SGMS1: variants seen among roughly 807,000 people sequenced by gnomAD.
The protein encoded by SGMS1 is phosphatidylcholine:ceramide cholinephosphotransferase 1.
Under a neutral mutation model 46.2 loss-of-function variants are expected in SGMS1, and 13 were observed. The observed-to-expected ratio is 0.28, with a 90% CI of 0.18 to 0.45. The LOEUF (loss-of-function observed/expected upper bound fraction) is 0.45. Among genes scored for constraint, SGMS1 ranks in the 20% least tolerant of loss-of-function variants. The pLI, the probability that SGMS1 is intolerant of heterozygous loss-of-function variation, is 1.00. For synonymous variants in SGMS1, 203 were observed against 187.8 expected (o/e 1.08, Z -0.66); for missense variants, 324 against 519.9 (o/e 0.62, Z 3.66).
At chr10:50,436,550 T>G (rs987112193) in intron 5 of SGMS1, among the ~76,000 whole-genome samples, 2 of 152,208 alleles carry the variant, frequency 1.3e-5, no homozygotes, top group African/African-American at 4.8e-5. Context: ...AAGAACAATC[T>G]GGACGTATGA....
intron 6 of SGMS1, among the ~76,000 whole-genome samples, chr10:50,412,608 T>A (rs931549182): frequency 6.6e-6 from 1 of 152,102 alleles, no homozygotes; most frequent in African/African-American, 2.4e-5. Flanking sequence ...GCTGAGAGGG[T>A]ATAAGAAATC....
chr10:50,471,935 A>G (rs911952622), intron 3 of SGMS1, among the ~76,000 whole-genome samples: 2 of 152,222 alleles, frequency 1.3e-5, no homozygotes, highest in African/African-American at 4.8e-5. Context: ...CTCTGTGCTT[A>G]ATGAGTTCTC....
intron 1 of SGMS1, among the ~76,000 whole-genome samples, chr10:50,616,255 G>C (rs1275348137): frequency 6.6e-6 from 1 of 151,936 alleles, no homozygotes; most frequent in Non-Finnish European, 1.5e-5. Context: ...CAAGTAGCTG[G>C]GACTACAGGT....
chr10:50,458,121 C>A (rs533219789), intron 5 of SGMS1, among the ~76,000 whole-genome samples: 1 of 152,202 alleles, frequency 6.6e-6, no homozygotes, highest in East Asian at 1.9e-4. Flanking sequence ...ATGAACAACA[C>A]CAAGCCCATC....
intron 2 of SGMS1, among the ~76,000 whole-genome samples, chr10:50,552,688 C>A (rs148247077): frequency 1.8e-4 from 27 of 152,310 alleles, no homozygotes; most frequent in African/African-American, 6.3e-4. Context: ...CCCCGTCCCC[C>A]GCCAAAAGAT....
Position 50,368,220 on chromosome 10 carries a change from T to G in SGMS1, c.-231-23875A>C, listed in dbSNP as rs184900275. 4.6e-5 allele frequency among the ~76,000 whole-genome samples: 7 copies of G among 152,336 alleles called. No homozygotes were observed. In the East Asian group the frequency reaches 9.6e-4, roughly 21 times the overall value. On this transcript the variant is annotated intron_variant, in intron 6 of 10. Coordinates refer to ENST00000361781, the MANE Select transcript of SGMS1 (RefSeq NM_147156.4). ...ACTGCATATCTAAGCTATCTTGCAG[T>G]CATACAAGACCATATCTAGGACACT...
chr10:50,456,961 G>C (rs1210980608), intron 5 of SGMS1, among the ~76,000 whole-genome samples: 1 of 152,168 alleles, frequency 6.6e-6, no homozygotes, highest in Non-Finnish European at 1.5e-5. Flanking sequence ...ATGTGACAGG[G>C]GAAGTGACTG....
chr10:50,561,847 C>T (rs533007772), intron 2 of SGMS1, among the ~76,000 whole-genome samples: 1 of 152,262 alleles, frequency 6.6e-6, no homozygotes, highest in East Asian at 1.9e-4. Flanking sequence ...TCTCTACTCA[C>T]TAATATTTCA....
At chr10:50,592,206 A>G (rs1838548340) in intron 1 of SGMS1, among the ~76,000 whole-genome samples, 1 of 152,216 alleles carries the variant, frequency 6.6e-6, no homozygotes, top group African/African-American at 2.4e-5. Context: ...AAAAATAAAC[A>G]TGACATAGCT....
intron 2 of SGMS1, among the ~76,000 whole-genome samples, chr10:50,529,971 G>A (rs532037559): frequency 2.5e-4 from 38 of 152,216 alleles, no homozygotes; most frequent in African/African-American, 7.2e-4. Context: ...CAATTTCCTC[G>A]TCCAATCTTC....
At chr10:50,618,882 G>C in intron 1 of SGMS1, among the ~76,000 whole-genome samples, 1 of 152,192 alleles carries the variant, frequency 6.6e-6, no homozygotes, top group Non-Finnish European at 1.5e-5. Flanking sequence ...AGGAATTCTG[G>C]AATGTTAGGA....
chr10:50,477,932 A>G (rs1309590153), intron 3 of SGMS1, among the ~76,000 whole-genome samples: 1 of 150,954 alleles, frequency 6.6e-6, no homozygotes, highest in African/African-American at 2.5e-5. Context: ...ATTAGTCTCC[A>G]GTAGTTCTTT....
intron 5 of SGMS1, among the ~76,000 whole-genome samples, chr10:50,457,388 TCTTA>T (rs770072335): frequency 6.6e-6 from 1 of 152,350 alleles, no homozygotes; most frequent in Admixed American, 6.5e-5. Context: ...TCCTTTTTGT[TCTTA>T]CTTAAGCAAA....
chr10:50,472,526 A>T (rs1837387656), intron 3 of SGMS1, among the ~76,000 whole-genome samples: 1 of 152,126 alleles, frequency 6.6e-6, no homozygotes, highest in East Asian at 1.9e-4. Context: ...TAAAGGGTGA[A>T]TAGTATTGCA....
chr10:50,579,258 C>T (rs566961874), intron 2 of SGMS1, among the ~76,000 whole-genome samples: 19 of 151,936 alleles, frequency 1.3e-4, no homozygotes, highest in South Asian at 1.0e-3. Flanking sequence ...AAAGCAGATG[C>T]GGAAAGCAGA....
At chr10:50,563,759 A>G (rs1230697969) in intron 2 of SGMS1, among the ~76,000 whole-genome samples, 1 of 151,354 alleles carries the variant, frequency 6.6e-6, no homozygotes, top group East Asian at 2.0e-4. Context: ...AAAAAAAAAA[A>G]AAAAAAAGAA....
At chr10:50,471,888 T>A (rs1003351660) in intron 3 of SGMS1, among the ~76,000 whole-genome samples, 4 of 152,210 alleles carry the variant, frequency 2.6e-5, no homozygotes, top group Non-Finnish European at 4.4e-5. Flanking sequence ...TCTACATTAT[T>A]TAATCCTAGC....
chr10:50,421,568 A>C (rs1353343880), intron 6 of SGMS1, among the ~76,000 whole-genome samples: 1 of 152,034 alleles, frequency 6.6e-6, no homozygotes, highest in Non-Finnish European at 1.5e-5. Flanking sequence ...TAAACTGACC[A>C]CCTCTCAGTC....
rs549797994 is a variant in SGMS1, at chr10:50,427,469, A to T, written c.-232+6007T>A. Among the ~76,000 whole-genome samples, 9 of 152,372 alleles carry T rather than the reference A, an allele frequency of 5.9e-5. No homozygotes were observed. The South Asian group carries it at 1.7e-3, about 28-fold the overall frequency. On this transcript the variant is annotated intron_variant, in intron 6 of 10. Coordinates refer to ENST00000361781, the MANE Select transcript of SGMS1 (RefSeq NM_147156.4). ...TATACCCTAAACTAGTGAATGAGTC[A>T]GTATAAATTGACTGAAAACTACAAA...
Sources: allele counts gnomAD v4.1 joint callset (sites outside exome capture counted in the v4.1 genomes callset), GRCh38; gene constraint gnomAD v4.1.1; transcripts MANE v1.5; gene names NCBI Gene and HGNC (gene_info 2026-07-23, HGNC 2026-07-21).